Variants in MAGI2 observed in about 807,000 individuals in gnomAD.
The protein encoded by MAGI2 is membrane associated guanylate kinase, WW and PDZ domain containing 2, also known as membrane-associated guanylate kinase, WW and PDZ domain-containing protein 2.
In MAGI2, 35 loss-of-function variants were observed where a neutral mutation model predicts 133.3. The observed-to-expected ratio is 0.26, with a 90% CI of 0.20 to 0.35. The LOEUF is 0.35. Among genes scored for constraint, MAGI2 ranks in the 10% least tolerant of loss-of-function variants. The pLI is 1.00. For synonymous variants in MAGI2, 729 were observed against 710.6 expected, an observed-to-expected ratio of 1.03 and a Z score of -0.41; for missense variants, 1,636 against 1,863.4, an observed-to-expected ratio of 0.88 and a Z score of 2.25.
chr7:79,365,081 T>A (rs899426509), intron 1 of MAGI2, among the ~76,000 whole-genome samples: 2 of 151,560 alleles, frequency 1.3e-5, no homozygotes, highest in African/African-American at 4.8e-5. Context: ...GCAAAAGACA[T>A]GAACATTCAT....
intron 2 of MAGI2, among the ~76,000 whole-genome samples, chr7:78,824,701 A>G (rs1275160582): frequency 2.0e-5 from 3 of 152,010 alleles, no homozygotes; most frequent in Non-Finnish European, 1.5e-5. Flanking sequence ...GATTGCAAAC[A>G]TTTTCTCCCA....
chr7:78,175,283 G>A (rs1826482703), intron 14 of MAGI2, among the ~76,000 whole-genome samples: 1 of 152,298 alleles, frequency 6.6e-6, no homozygotes, highest in Non-Finnish European at 1.5e-5. Context: ...GGAACAGCCT[G>A]TGTTTTGTTC....
intron 6 of MAGI2, among the ~76,000 whole-genome samples, chr7:78,477,276 T>C (rs1044566933): frequency 3.3e-5 from 5 of 151,956 alleles, no homozygotes; most frequent in South Asian, 2.1e-4. Context: ...TGGACTACAG[T>C]GAGCATTTAT....
chr7:78,707,760 T>A (rs1283213856), intron 2 of MAGI2, among the ~76,000 whole-genome samples: 2 of 152,118 alleles, frequency 1.3e-5, no homozygotes, highest in Non-Finnish European at 2.9e-5. Context: ...AATGAGATAA[T>A]CTTGTTTTAC....
intron 1 of MAGI2, among the ~76,000 whole-genome samples, chr7:79,266,865 A>G (rs972814823): frequency 2.6e-5 from 4 of 152,198 alleles, no homozygotes; most frequent in Non-Finnish European, 5.9e-5. Flanking sequence ...CCCTAAAGAA[A>G]CTAAAGGATA....
intron 1 of MAGI2, among the ~76,000 whole-genome samples, chr7:79,398,791 CTAAT>C (rs1343210945): frequency 1.3e-5 from 2 of 151,642 alleles, no homozygotes; most frequent in Non-Finnish European, 3.0e-5. Flanking sequence ...TTTTCTTAAA[CTAAT>C]TATTCTTTGA....
At chr7:78,367,920 T>C (rs759315884) in intron 7 of MAGI2, among the ~76,000 whole-genome samples, 1 of 152,240 alleles carries the variant, frequency 6.6e-6, no homozygotes, top group Non-Finnish European at 1.5e-5. Context: ...GATGTCCCTT[T>C]ATTTTTGCAG....
intron 1 of MAGI2, among the ~76,000 whole-genome samples, chr7:79,417,380 G>A (rs760054013): frequency 1.1e-4 from 16 of 152,046 alleles, no homozygotes; most frequent in Non-Finnish European, 1.5e-5. Context: ...AATGGTTAAG[G>A]CTCTGTTTAC....
intron 2 of MAGI2, among the ~76,000 whole-genome samples, chr7:78,970,991 T>C (rs1803741899): frequency 1.3e-5 from 2 of 152,092 alleles, no homozygotes; most frequent in Non-Finnish European, 2.9e-5. Flanking sequence ...ACTTTCCAAA[T>C]GACTTAATGA....
intron 1 of MAGI2, among the ~76,000 whole-genome samples, chr7:79,063,322 A>T (rs1813958981): frequency 6.6e-6 from 1 of 152,088 alleles, no homozygotes; most frequent in Non-Finnish European, 1.5e-5. Context: ...ACCTTTTTTT[A>T]AAAAATAAAA....
chr7:79,192,514 G>C (rs1222582030), intron 1 of MAGI2, among the ~76,000 whole-genome samples: 1 of 151,776 alleles, frequency 6.6e-6, no homozygotes, highest in Non-Finnish European at 1.5e-5. Context: ...AAAGTTTTGG[G>C]GATGTGAGAG....
intron 1 of MAGI2, among the ~76,000 whole-genome samples, chr7:79,356,078 A>G (rs1361303833): frequency 6.6e-6 from 1 of 152,208 alleles, no homozygotes; most frequent in Admixed American, 6.5e-5. Flanking sequence ...TGCTTAAAGG[A>G]TATAATTTTG....
At chr7:79,214,756 T>C (rs1487455228) in intron 1 of MAGI2, among the ~76,000 whole-genome samples, 4 of 140,850 alleles carry the variant, frequency 2.8e-5, no homozygotes, top group African/African-American at 1.0e-4. Flanking sequence ...TAAATACATA[T>C]ATGATATATA....
chr7:78,397,146 G>A (rs1197071819), intron 6 of MAGI2, among the ~76,000 whole-genome samples: 1 of 151,852 alleles, frequency 6.6e-6, no homozygotes, highest in Non-Finnish European at 1.5e-5. Context: ...AATGCTCTTT[G>A]GTGGTAAAAA....
intron 3 of MAGI2, among the ~76,000 whole-genome samples, chr7:78,573,686 T>C (rs961352204): frequency 1.3e-5 from 2 of 151,254 alleles, no homozygotes; most frequent in African/African-American, 2.4e-5. Flanking sequence ...TGCTTTTACA[T>C]TTAAAATTGG....
intron 9 of MAGI2, among the ~76,000 whole-genome samples, chr7:78,335,370 A>T (rs965853322): frequency 3.3e-5 from 5 of 152,168 alleles, no homozygotes; most frequent in East Asian, 3.9e-4. Context: ...AAACAGAAAG[A>T]AAATGCCCCA....
chr7:79,330,227 T>C lies in MAGI2; in HGVS notation c.301+122793A>G, dbSNP rs565865596. ...TTTTTTTTTTTAGAAGGAGTCTCGC[T>C]CTGTTCCCCAGGCTGGAGTGCAGTG... On this transcript the variant is annotated intron_variant, in intron 1 of 21. Coordinates refer to ENST00000354212, the MANE Select transcript of MAGI2 (RefSeq NM_012301.4). Among the ~76,000 whole-genome samples, 386 of 140,548 alleles carry C rather than the reference T, an allele frequency of 2.7e-3. 2 individuals are homozygous for C. The highest frequency in any genetic ancestry group is 4.4e-3 in the Non-Finnish European group (291 of 65,688). The allele number at this position is 140,548 out of a possible 152,430, so 92.2% of individuals were successfully genotyped here. A position where few individuals can be genotyped will look rare whatever the true frequency, so the allele number is the denominator to read the frequency against.
chr7:78,582,760 A>G (rs1411302642), intron 3 of MAGI2, among the ~76,000 whole-genome samples: 20 of 152,242 alleles, frequency 1.3e-4, no homozygotes, highest in Admixed American at 1.2e-3. Context: ...TAATTATAAC[A>G]TAGACTCCTC....
At chr7:78,471,222 A>G (rs1364852937) in intron 6 of MAGI2, among the ~76,000 whole-genome samples, 3 of 152,164 alleles carry the variant, frequency 2.0e-5, no homozygotes, top group Non-Finnish European at 4.4e-5. Flanking sequence ...CTGTTTCAGT[A>G]CTACTATCAA....
Sources: allele counts gnomAD v4.1 joint callset (sites outside exome capture counted in the v4.1 genomes callset), GRCh38; gene constraint gnomAD v4.1.1; transcripts MANE v1.5; gene names NCBI Gene and HGNC (gene_info 2026-07-23, HGNC 2026-07-21).